SLC4A5: variants seen among roughly 807,000 people sequenced by gnomAD.
SLC4A5 encodes the protein electrogenic sodium bicarbonate cotransporter 4.
A neutral mutation model predicts 120.4 loss-of-function variants in SLC4A5; 96 were observed. The ratio of observed to expected loss-of-function variants is 0.80; its 90% confidence interval spans 0.68 to 0.94. The LOEUF (loss-of-function observed/expected upper bound fraction) is 0.94. SLC4A5 is among the 40% of genes least tolerant of loss of function. The probability of loss-of-function intolerance (pLI) is 0.00; values close to 1 mark genes in which losing one functional copy is unlikely to be tolerated. For synonymous variants in SLC4A5, 550 were observed against 571.1 expected, an observed-to-expected ratio of 0.96 and a Z score of 0.53; for missense variants, 1,259 against 1,459.5, an observed-to-expected ratio of 0.86 and a Z score of 2.24.
intron 6 of SLC4A5, among the ~76,000 whole-genome samples, chr2:74,306,284 C>A (rs1672641075): frequency 6.6e-6 from 1 of 152,210 alleles, no homozygotes; most frequent in South Asian, 2.1e-4. Context: ...CCTGAGATAA[C>A]CTCCCCTCTG....
intron 6 of SLC4A5, among the ~76,000 whole-genome samples, chr2:74,305,556 T>C (rs1269907544): frequency 6.6e-6 from 1 of 152,116 alleles, no homozygotes; most frequent in Non-Finnish European, 1.5e-5. Context: ...ATAGTTTACA[T>C]TAAAGTTTAC....
intron 12 of SLC4A5, 100 bp downstream of exon 12, chr2:74,259,488 T>C: frequency 7.6e-7 from 1 of 1,311,162 alleles, no homozygotes; most frequent in East Asian, 2.3e-5. Flanking sequence ...CACTCCTTTG[T>C]AGGAGTGGAA....
intron 7 of SLC4A5, chr2:74,290,274 C>T: frequency 5.1e-6 from 5 of 985,564 alleles, no homozygotes; most frequent in Non-Finnish European, 6.0e-6. Context: ...GCGCTGGGGT[C>T]CCTGGCTGTC....
At position 74,270,583 on chromosome 2, in the gene SLC4A5, G is replaced by A. The variant is rs182930474; in HGVS notation, c.402-5319C>T. Among the ~76,000 whole-genome samples the A allele has an allele frequency of 1.8e-4, 28 of 152,356 alleles. 1 individual carries two copies. In the East Asian group the frequency reaches 5.4e-3, roughly 29 times the overall value. On this transcript the variant is annotated intron_variant, in intron 8 of 30. Coordinates refer to ENST00000394019, the Ensembl canonical transcript of SLC4A5. ...AGCTACTCAGGAGGCTGAGGCAGGA[G>A]AATGGCGTGAACCCGGGAGGCGGAG...
At chr2:74,321,060 C>T (rs565252286) in intron 5 of SLC4A5, among the ~76,000 whole-genome samples, 1 of 152,222 alleles carries the variant, frequency 6.6e-6, no homozygotes, top group South Asian at 2.1e-4. Flanking sequence ...GATTGGTGTC[C>T]ATTTTTAGTG....
intron 6 of SLC4A5, chr2:74,307,316 G>C: frequency 1.8e-6 from 1 of 554,886 alleles, no homozygotes; most frequent in South Asian, 1.6e-5. Flanking sequence ...GTACCTCCAT[G>C]GTCAACCCAG....
intron 6 of SLC4A5, among the ~76,000 whole-genome samples, chr2:74,314,574 C>T (rs766621289): frequency 6.6e-5 from 10 of 152,166 alleles, no homozygotes; most frequent in Admixed American, 2.0e-4. Context: ...GAAATACCTG[C>T]CACCTCAACA....
chr2:74,229,887 T>TG lies in SLC4A5; in HGVS notation c.2847+1348_2847+1349insC, dbSNP rs1216131103. Among the ~76,000 whole-genome samples, 10 of 150,734 alleles carry TG rather than the reference T, an allele frequency of 6.6e-5. No homozygotes were observed. The East Asian group carries it at 2.0e-3, about 30-fold the overall frequency. On this transcript the variant is annotated intron_variant, in intron 25 of 30. Transcript: ENST00000394019. ...AAGGTCACCTCTGAATGAGGTTTTTTTTTTTTTTTTTTGAGAAGAGGTCTC... is the reference window on the plus strand; with the variant it reads ...AAGGTCACCTCTGAATGAGGTTTTTTGTTTTTTTTTTTTGAGAAGAGGTCTC...
rs569349042 is a variant in SLC4A5, at chr2:74,296,681, C to G, written c.271+7808G>C. Reference sequence around the variant, plus strand: ...GCACATGCCTGTAATCCCAGCTACTCAGGAGGCTGAGGCAGGAGAATTGCT... The same window carrying G: ...GCACATGCCTGTAATCCCAGCTACTGAGGAGGCTGAGGCAGGAGAATTGCT... On this transcript the variant is annotated intron_variant, in intron 7 of 30. Transcript: ENST00000394019. Among the ~76,000 whole-genome samples the G allele has an allele frequency of 1.2e-4, 17 of 147,564 alleles. No individual in the cohort carries two copies. The South Asian group carries it at 3.7e-3, about 32-fold the overall frequency.
At chr2:74,301,556 CAT>C (rs1672476408) in intron 7 of SLC4A5, among the ~76,000 whole-genome samples, 1 of 152,228 alleles carries the variant, frequency 6.6e-6, no homozygotes, top group African/African-American at 2.4e-5. Context: ...AGAGGAAAAA[CAT>C]ATGTGGTCAG....
intron 7 of SLC4A5, among the ~76,000 whole-genome samples, chr2:74,301,473 G>A (rs1672474317): frequency 6.6e-6 from 1 of 152,206 alleles, no homozygotes. Flanking sequence ...TTCCTGCTGG[G>A]CTATGCAGCC....
exon 31 of SLC4A5, chr2:74,217,405 C>G (rs1694478442): frequency 6.6e-6 from 1 of 152,166 alleles, no homozygotes; most frequent in African/African-American, 2.4e-5. Flanking sequence ...TGGTTTTTAT[C>G]TTCCCAAATA....
At chr2:74,308,743 T>G (rs965943752) in intron 6 of SLC4A5, among the ~76,000 whole-genome samples, 2 of 152,106 alleles carry the variant, frequency 1.3e-5, no homozygotes, top group Admixed American at 1.3e-4. Flanking sequence ...TTATCATTTT[T>G]TTTTTTTCAT....
In SLC4A5 at chr2:74,221,695, A is replaced by G. The variant is rs372361313; in HGVS notation, c.3332-194T>C. On this transcript the variant is annotated intron_variant, in intron 29 of 30. Coordinates refer to ENST00000394019, the Ensembl canonical transcript of SLC4A5. ...ACCCAGAAGGTGCTCAGCCAGGGCT[A>G]GGGGGTGTGAGGCATGGGAGGGCCA... Among the ~76,000 whole-genome samples the G allele has an allele frequency of 4.6e-5, 7 of 152,078 alleles. No individual in the cohort carries two copies. In the East Asian group the frequency reaches 7.7e-4, roughly 17 times the overall value.
intron 6 of SLC4A5, among the ~76,000 whole-genome samples, chr2:74,314,286 C>T (rs545983484): frequency 2.6e-5 from 4 of 152,260 alleles, no homozygotes; most frequent in South Asian, 2.1e-4. Context: ...TCTCCTCTCA[C>T]GGTAAGTATC....
chr2:74,330,296 G>C (rs1171403920), intron 4 of SLC4A5, among the ~76,000 whole-genome samples: 2 of 151,160 alleles, frequency 1.3e-5, no homozygotes, highest in Non-Finnish European at 3.0e-5. Context: ...TGTGGTGTAG[G>C]TGTAGGTGGT....
At chr2:74,217,531 G>GAATAAACAT (rs1694484085) in exon 31 of SLC4A5, 1 of 152,098 alleles carries the variant, frequency 6.6e-6, no homozygotes, top group Non-Finnish European at 1.5e-5. Flanking sequence ...GTTTGACTTT[G>GAATAAACAT]GGAATAAACA....
chr2:74,275,366 C>A (rs1671605995), intron 8 of SLC4A5, among the ~76,000 whole-genome samples: 2 of 152,230 alleles, frequency 1.3e-5, no homozygotes, highest in Non-Finnish European at 2.9e-5. Flanking sequence ...TGAATGGGCT[C>A]CTTCAAGGAG....
At chr2:74,236,857 T>A (rs1315026761) in intron 21 of SLC4A5, among the ~76,000 whole-genome samples, 2 of 152,180 alleles carry the variant, frequency 1.3e-5, no homozygotes. Context: ...TCCCACCTAC[T>A]GCTTTCCATC....
Sources: allele counts gnomAD v4.1 joint callset (sites outside exome capture counted in the v4.1 genomes callset), GRCh38; gene constraint gnomAD v4.1.1; transcripts MANE v1.5; gene names NCBI Gene and HGNC (gene_info 2026-07-23, HGNC 2026-07-21).